STXBP5L: variants seen among roughly 807,000 people sequenced by gnomAD.
STXBP5L encodes syntaxin binding protein 5L, also known as syntaxin-binding protein 5-like.
STXBP5L carries 65 observed loss-of-function variants against 144.5 expected under a neutral mutation model. That is an observed-to-expected ratio of 0.45 (90% confidence interval 0.37 to 0.55). STXBP5L has a LOEUF of 0.55. Among genes scored for constraint, STXBP5L ranks in the 20% least tolerant of loss-of-function variants. STXBP5L has a pLI of 0.00. For missense variants in STXBP5L, 1,298 were observed against 1,405.5 expected, an observed-to-expected ratio of 0.92 and a Z score of 1.22; for synonymous variants, 505 against 469.6, an observed-to-expected ratio of 1.08 and a Z score of -0.97.
At chr3:121,005,721 A>G (rs569342457) in intron 3 of STXBP5L, among the ~76,000 whole-genome samples, 6 of 152,172 alleles carry the variant, frequency 3.9e-5, no homozygotes, top group Non-Finnish European at 5.9e-5. Context: ...ACACTGCTTT[A>G]AATGTGTCCC....
intron 18 of STXBP5L, among the ~76,000 whole-genome samples, chr3:121,273,905 T>C (rs2050802083): frequency 6.6e-6 from 1 of 152,164 alleles, no homozygotes; most frequent in South Asian, 2.1e-4. Context: ...GATTTCTTTT[T>C]GTTGAACTTT....
At chr3:121,186,226 AATC>A (rs1403469525) in intron 9 of STXBP5L, among the ~76,000 whole-genome samples, 1 of 152,312 alleles carries the variant, frequency 6.6e-6, no homozygotes, top group Admixed American at 6.5e-5. Context: ...CTAGATATAT[AATC>A]ATGTCATCTG....
chr3:120,931,978 A>G (rs1246672095), intron 2 of STXBP5L, among the ~76,000 whole-genome samples: 2 of 152,324 alleles, frequency 1.3e-5, no homozygotes, highest in Admixed American at 1.3e-4. Flanking sequence ...GTGTACTTAC[A>G]CAAACCTATA....
chr3:121,084,896 T>G lies in STXBP5L; in HGVS notation c.471-30029T>G, dbSNP rs146159643. Among the ~76,000 whole-genome samples, 496 of 152,312 alleles carry G rather than the reference T, an allele frequency of 3.3e-3. 4 individuals are homozygous for G. Among genetic ancestry groups the G allele is most frequent in the African/African-American group, 9.9e-3 (413 of 41,572 alleles). ...CATCTGTTGTTTCTTGACTTTTTAA[T>G]GGTCATCATTCTGACTGGCATGAGA... On this transcript the variant is annotated intron_variant, in intron 5 of 26. Coordinates refer to ENST00000471454, the MANE Select transcript of STXBP5L (RefSeq NM_001308330.2).
intron 20 of STXBP5L, among the ~76,000 whole-genome samples, chr3:121,348,761 T>A (rs576859205): frequency 1.4e-4 from 21 of 152,252 alleles, no homozygotes; most frequent in African/African-American, 4.8e-4. Flanking sequence ...GTTTATGGTA[T>A]TCTCTGATGG....
chr3:121,299,179 T>A (rs2051786484), intron 19 of STXBP5L, among the ~76,000 whole-genome samples: 1 of 152,194 alleles, frequency 6.6e-6, no homozygotes, highest in Non-Finnish European at 1.5e-5. Context: ...CATGAAATCA[T>A]CTATCATCGT....
In STXBP5L at chr3:121,294,939, G is replaced by A. The variant is rs774686947; in HGVS notation, c.2110+14983G>A. 3.8e-4 allele frequency among the ~76,000 whole-genome samples: 58 copies of A among 152,104 alleles called. 1 individual carries two copies. Among genetic ancestry groups the A allele is most frequent in the Non-Finnish European group, 8.1e-4 (55 of 67,998 alleles). On this transcript the variant is annotated intron_variant, in intron 19 of 26. Transcript: ENST00000471454. The stretch of plus-strand genomic sequence containing the variant: ...AGTGACCCTTTAAAAAGCGATTTTA[G>A]AAAAGCAATGAAATAGAAGCCAAAA...
chr3:121,021,027 A>T (rs887039259), intron 3 of STXBP5L, among the ~76,000 whole-genome samples: 2 of 152,144 alleles, frequency 1.3e-5, no homozygotes, highest in Non-Finnish European at 2.9e-5. Flanking sequence ...TGAGAGACTC[A>T]CCTTCCACAT....
chr3:121,212,503 C>A (rs756499240), intron 10 of STXBP5L, among the ~76,000 whole-genome samples: 1 of 152,014 alleles, frequency 6.6e-6, no homozygotes, highest in Admixed American at 6.6e-5. Context: ...TTGTCAGGTT[C>A]ATCAAAGATC....
intron 22 of STXBP5L, among the ~76,000 whole-genome samples, chr3:121,395,728 C>A (rs189887939): frequency 2.6e-5 from 4 of 152,206 alleles, no homozygotes; most frequent in African/African-American, 9.7e-5. Context: ...AATGGTGATA[C>A]CGCTATCATA....
intron 14 of STXBP5L, among the ~76,000 whole-genome samples, chr3:121,243,640 G>T (rs1392195535): frequency 1.3e-5 from 2 of 150,924 alleles, no homozygotes; most frequent in African/African-American, 4.9e-5. Flanking sequence ...TTTATGCCAA[G>T]ATAACTTTGC....
Position 121,205,931 on chromosome 3 carries a change from C to A in STXBP5L, c.886C>A (p.Gln296Lys). Residue 296 changes from glutamine (Q) to lysine (K), a missense_variant, in exon 10 of 27, where the codon CAA (glutamine) becomes AAA (lysine). Gln to Lys is a moderately conservative substitution (Grantham distance 53, BLOSUM62 1). Transcript: ENST00000471454. ...FQTTIPHGKS[Q>K]REGRKSESCK... ...ATATTTTTTTTCTTTAGGAAAAAGT[C>A]AAAGAGAAGGAAGAAAATCTGAATC... is the stretch of plus-strand genomic sequence containing the variant. The A allele has an allele frequency of 4.0e-6, 6 of 1,494,118 alleles. No homozygotes were observed. The South Asian group carries it at 5.6e-5, about 14-fold the overall frequency. The allele number at this position is 1,494,118 out of a possible 1,614,324, so 92.6% of individuals were successfully genotyped here.
chr3:121,335,263 T>C (rs1368193648), intron 20 of STXBP5L, among the ~76,000 whole-genome samples: 1 of 151,902 alleles, frequency 6.6e-6, no homozygotes, highest in African/African-American at 2.4e-5. Context: ...AGGTGAAAGA[T>C]CTCTACAATG....
At chr3:121,043,034 C>T (rs1003720959) in intron 4 of STXBP5L, among the ~76,000 whole-genome samples, 1 of 151,770 alleles carries the variant, frequency 6.6e-6, no homozygotes, top group African/African-American at 2.4e-5. Context: ...TGTACTGGGT[C>T]TGATCCTTTG....
intron 9 of STXBP5L, among the ~76,000 whole-genome samples, chr3:121,201,702 G>A (rs575094295): frequency 2.0e-5 from 3 of 152,070 alleles, no homozygotes; most frequent in African/African-American, 7.2e-5. Flanking sequence ...CTCTTGTAAG[G>A]CAGACCTGGT....
chr3:121,200,083 G>A (rs2048080973), intron 9 of STXBP5L, among the ~76,000 whole-genome samples: 1 of 152,138 alleles, frequency 6.6e-6, no homozygotes, highest in Non-Finnish European at 1.5e-5. Flanking sequence ...TGTACCTCTG[G>A]TAGAATTTGG....
intron 3 of STXBP5L, among the ~76,000 whole-genome samples, chr3:121,001,997 T>C (rs1048199383): frequency 1.3e-5 from 2 of 152,248 alleles, no homozygotes; most frequent in African/African-American, 4.8e-5. Flanking sequence ...ATGGCTATAA[T>C]GAATAATGCT....
intron 3 of STXBP5L, among the ~76,000 whole-genome samples, chr3:120,958,655 A>G (rs1450868925): frequency 6.6e-6 from 1 of 152,212 alleles, no homozygotes; most frequent in African/African-American, 2.4e-5. Flanking sequence ...GACAAAAACC[A>G]CATGATTATC....
chr3:121,081,757 G>A (rs2042257791), intron 5 of STXBP5L, among the ~76,000 whole-genome samples: 6 of 152,234 alleles, frequency 3.9e-5, no homozygotes, highest in Admixed American at 3.9e-4. Context: ...CCAATGGTGG[G>A]CAGAGGCCCA....
Sources: allele counts gnomAD v4.1 joint callset (sites outside exome capture counted in the v4.1 genomes callset), GRCh38; gene constraint gnomAD v4.1.1; transcripts MANE v1.5; gene names NCBI Gene and HGNC (gene_info 2026-07-23, HGNC 2026-07-21).